The following NREP variants were observed in gnomAD, a reference collection of about 807,000 sequenced individuals.
The protein encoded by NREP is neuronal regeneration related protein, also known as neuronal regeneration-related protein.
A neutral mutation model predicts 8.6 loss-of-function variants in NREP; 5 were observed. The observed-to-expected ratio is 0.58, with a 90% confidence interval of 0.30 to 1.22. NREP has a LOEUF of 1.22. Ranked by LOEUF, NREP falls within the 50% of genes most tolerant of loss-of-function variation. NREP has a pLI of 0.07. For synonymous variants in NREP, 27 were observed against 28.0 expected (o/e 0.96, Z 0.11); for missense variants, 86 against 82.5 (o/e 1.04, Z -0.17).
intron 2 of NREP, among the ~76,000 whole-genome samples, chr5:111,945,341 T>G (rs1026114436): frequency 6.6e-6 from 1 of 152,054 alleles, no homozygotes; most frequent in South Asian, 2.1e-4. Context: ...TGCAGGTTTG[T>G]TACATATGTA....
intron 2 of NREP, among the ~76,000 whole-genome samples, chr5:111,782,444 T>C (rs1751514898): frequency 1.3e-5 from 2 of 152,236 alleles, no homozygotes; most frequent in East Asian, 1.9e-4. Context: ...TGTGATCATA[T>C]ATTCTGCCAA....
chr5:111,874,749 C>G (rs946646809), intron 2 of NREP, among the ~76,000 whole-genome samples: 1 of 152,212 alleles, frequency 6.6e-6, no homozygotes, highest in South Asian at 2.1e-4. Context: ...TAGGCTTTTT[C>G]GGTGTTACCT....
chr5:111,895,271 T>C (rs575959236), intron 2 of NREP, among the ~76,000 whole-genome samples: 118 of 152,176 alleles, frequency 7.8e-4, no homozygotes, highest in African/African-American at 2.7e-3. Context: ...GAGTGAGGCT[T>C]CTAGAGGAGA....
intron 2 of NREP, among the ~76,000 whole-genome samples, chr5:111,836,872 G>C (rs2112942987): frequency 6.6e-6 from 1 of 152,048 alleles, no homozygotes; most frequent in South Asian, 2.1e-4. Flanking sequence ...ACATGAATAA[G>C]ACACTTCTTT....
At chr5:111,821,333 A>G (rs1188566463) in intron 2 of NREP, among the ~76,000 whole-genome samples, 1 of 152,124 alleles carries the variant, frequency 6.6e-6, no homozygotes, top group African/African-American at 2.4e-5. Context: ...CCAGACACAA[A>G]TATTTTTAGC....
At chr5:111,767,849 A>C (rs1040611307) in intron 2 of NREP, among the ~76,000 whole-genome samples, 5 of 151,868 alleles carry the variant, frequency 3.3e-5, no homozygotes, top group African/African-American at 1.2e-4. Flanking sequence ...AATTTTTTTA[A>C]ATATGGGGTC....
At chr5:111,831,060 A>G (rs1752755366) in intron 2 of NREP, among the ~76,000 whole-genome samples, 1 of 152,174 alleles carries the variant, frequency 6.6e-6, no homozygotes, top group Non-Finnish European at 1.5e-5. Context: ...CATTCCAAGC[A>G]GGGCCCCCAA....
chr5:111,945,151 A>G (rs1043223048), intron 2 of NREP, among the ~76,000 whole-genome samples: 3 of 152,112 alleles, frequency 2.0e-5, no homozygotes, highest in Non-Finnish European at 4.4e-5. Flanking sequence ...CACATTTGTT[A>G]TCATCCTAAC....
chr5:111,937,506 C>G (rs1755716445), intron 2 of NREP, among the ~76,000 whole-genome samples: 1 of 152,066 alleles, frequency 6.6e-6, no homozygotes, highest in Non-Finnish European at 1.5e-5. Flanking sequence ...CTTCCCTGAA[C>G]TTGCAGCTAT....
chr5:111,799,096 C>A (rs1751941672), intron 2 of NREP, among the ~76,000 whole-genome samples: 1 of 152,088 alleles, frequency 6.6e-6, no homozygotes, highest in African/African-American at 2.4e-5. Context: ...GGCTTTATTT[C>A]TGCGTTCTCT....
chr5:111,942,084 C>T (rs1447307589), intron 2 of NREP, among the ~76,000 whole-genome samples: 1 of 151,962 alleles, frequency 6.6e-6, no homozygotes, highest in East Asian at 1.9e-4. Context: ...CATGAGACAT[C>T]ATTTTATTAC....
intron 2 of NREP, among the ~76,000 whole-genome samples, chr5:111,947,450 T>C (rs1276797627): frequency 6.6e-6 from 1 of 151,992 alleles, no homozygotes; most frequent in Middle Eastern, 3.2e-3. Context: ...AAAGAGTTCA[T>C]GTTTTTACAT....
intron 2 of NREP, among the ~76,000 whole-genome samples, chr5:111,927,522 T>A (rs549281562): frequency 3.1e-4 from 47 of 152,252 alleles, no homozygotes; most frequent in African/African-American, 1.1e-3. Flanking sequence ...TAAGGGAAAG[T>A]TAAGCTTGAG....
At chr5:111,770,552 T>TC (rs1751192964) in intron 2 of NREP, among the ~76,000 whole-genome samples, 2 of 143,130 alleles carry the variant, frequency 1.4e-5, no homozygotes, top group Non-Finnish European at 3.0e-5. Flanking sequence ...AAGAATTATT[T>TC]CCTTTTTTTT....
intron 2 of NREP, among the ~76,000 whole-genome samples, chr5:111,822,269 G>A (rs901850290): frequency 6.6e-6 from 1 of 152,172 alleles, no homozygotes; most frequent in African/African-American, 2.4e-5. Context: ...ATGAGCTCAA[G>A]ATTTGGTGTC....
intron 2 of NREP, among the ~76,000 whole-genome samples, chr5:111,828,411 C>T (rs1470437048): frequency 1.3e-5 from 2 of 151,970 alleles, no homozygotes; most frequent in African/African-American, 2.4e-5. Context: ...GGATGTGCTA[C>T]TTTGGGACCA....
chr5:111,743,564 A>C (rs1749816760), intron 2 of NREP, among the ~76,000 whole-genome samples: 1 of 152,190 alleles, frequency 6.6e-6, no homozygotes, highest in Admixed American at 6.5e-5. Context: ...TTAAGAATTT[A>C]AAAAGAAAGA....
intron 2 of NREP, among the ~76,000 whole-genome samples, chr5:111,901,704 G>C (rs942917366): frequency 6.6e-6 from 1 of 151,816 alleles, no homozygotes; most frequent in Admixed American, 6.6e-5. Flanking sequence ...ATTTACTAGA[G>C]CTACAAAAAA....
chr5:111,781,995 ATTATGT>A (rs1481888361), intron 2 of NREP, among the ~76,000 whole-genome samples: 1 of 152,192 alleles, frequency 6.6e-6, no homozygotes, highest in Admixed American at 6.5e-5. Context: ...AATGAGGCTA[ATTATGT>A]TTATAATGAT....
Sources: allele counts gnomAD v4.1 joint callset (sites outside exome capture counted in the v4.1 genomes callset), GRCh38; gene constraint gnomAD v4.1.1; transcripts MANE v1.5; gene names NCBI Gene and HGNC (gene_info 2026-07-23, HGNC 2026-07-21).